Variants in REV1 observed in about 807,000 individuals in gnomAD.
REV1 encodes REV1 DNA directed polymerase.
REV1 carries 42 observed loss-of-function variants against 137.4 expected under a neutral mutation model. The observed-to-expected ratio is 0.31, with a 90% confidence interval of 0.24 to 0.40. The LOEUF (loss-of-function observed/expected upper bound fraction) is 0.40, where lower values mean the gene tolerates loss of function less well. Ranked by LOEUF, REV1 falls within the 10% of genes least tolerant of loss-of-function variation. REV1 has a pLI of 1.00. For synonymous variants in REV1, 524 were observed against 519.2 expected, an observed-to-expected ratio of 1.01 and a Z score of -0.12; for missense variants, 1,282 against 1,490.1, an observed-to-expected ratio of 0.86 and a Z score of 2.30.
intron 1 of REV1, among the ~76,000 whole-genome samples, chr2:99,482,048 A>G (rs983768571): frequency 6.6e-5 from 10 of 152,184 alleles, no homozygotes; most frequent in African/African-American, 2.2e-4. Context: ...GGGCCTGGCC[A>G]TGCTGGAAAT....
At chr2:99,427,753 C>T (rs976024833) in intron 9 of REV1, among the ~76,000 whole-genome samples, 7 of 151,964 alleles carry the variant, frequency 4.6e-5, no homozygotes, top group African/African-American at 1.7e-4. Context: ...AATTAAGGGA[C>T]AAAAATCTTA....
At chr2:99,449,927 G>C (rs1028161472) in intron 3 of REV1, among the ~76,000 whole-genome samples, 1 of 152,134 alleles carries the variant, frequency 6.6e-6, no homozygotes, top group Non-Finnish European at 1.5e-5. Context: ...GAGTATACAA[G>C]AGGAGTCAGA....
chr2:99,464,252 A>G (rs1369899588), intron 2 of REV1, among the ~76,000 whole-genome samples: 10 of 152,186 alleles, frequency 6.6e-5, no homozygotes, highest in Admixed American at 6.6e-4. Context: ...AGGTCTTTAA[A>G]TTAAAGGTGT....
At position 99,414,383 on chromosome 2, in the gene REV1, C is replaced by T. The variant is rs115313648; in HGVS notation, c.1952-1432G>A. ...GATGAAGGCGTTAAGCGTGCTCGTT[C>T]ACAATTGTGCCATTTTAAAGTCCAA... On this transcript the variant is annotated intron_variant, in intron 12 of 22. Coordinates refer to ENST00000258428, the MANE Select transcript of REV1 (RefSeq NM_016316.4). Among the ~76,000 whole-genome samples the T allele has an allele frequency of 4.1e-3, 625 of 151,960 alleles. 3 individuals carry two copies. Among genetic ancestry groups the T allele is most frequent in the Non-Finnish European group, 6.9e-3 (471 of 67,986 alleles).
chr2:99,417,604 G>A (rs954672980), intron 12 of REV1, among the ~76,000 whole-genome samples: 7 of 152,154 alleles, frequency 4.6e-5, no homozygotes, highest in African/African-American at 1.7e-4. Flanking sequence ...AGGGAGAGGA[G>A]GGTCACCTAC....
At chr2:99,441,718 T>C (rs1370630727) in intron 5 of REV1, among the ~76,000 whole-genome samples, 1 of 152,186 alleles carries the variant, frequency 6.6e-6, no homozygotes, top group African/African-American at 2.4e-5. Flanking sequence ...AGGAAATAAT[T>C]ACTTTCATAA....
At chr2:99,462,013 A>C (rs896248) in intron 3 of REV1, among the ~76,000 whole-genome samples, 5 of 151,976 alleles carry the variant, frequency 3.3e-5, no homozygotes, top group Non-Finnish European at 7.4e-5. Flanking sequence ...TTTACTTCCT[A>C]AACTGTGAGA....
chr2:99,484,941 C>T (rs889540969), intron 1 of REV1, among the ~76,000 whole-genome samples: 8 of 152,124 alleles, frequency 5.3e-5, no homozygotes, highest in South Asian at 4.1e-4. Flanking sequence ...CAACCTTATA[C>T]GGTAGCTGTA....
Position 99,420,616 on chromosome 2 carries a change from G to A in REV1, c.1831+883C>T, listed in dbSNP as rs543322130. 3.3e-5 allele frequency among the ~76,000 whole-genome samples: 5 copies of A among 152,252 alleles called. No individual in the cohort carries two copies. The South Asian group carries it at 6.2e-4, about 19-fold the overall frequency. ...TGTAGCACGGTGTGCCCCTCCTCTC[G>A]GGAAATGGAAGTAACAAATTCTTCT... On this transcript the variant is annotated intron_variant, in intron 11 of 22. Transcript: ENST00000258428.
At position 99,489,954 on chromosome 2, in the gene REV1, G is replaced by A. The variant is rs1687536803; in HGVS notation, c.-148C>T. 1 of 149,988 alleles carries A rather than the reference G, an allele frequency of 6.7e-6. No individual in the cohort carries two copies. The allele number at this position is 149,988 out of a possible 1,614,324, so 9.3% of individuals were successfully genotyped here. On this transcript the variant is annotated 5_prime_UTR_variant, in exon 1 of 23. Coordinates refer to ENST00000258428, the MANE Select transcript of REV1 (RefSeq NM_016316.4). ...GGGAAGGCAGCCCCACCGCTGAGCA[G>A]CGCCGCGGTCCACGCTCCCCCACGC... is the stretch of plus-strand genomic sequence containing the variant.
At chr2:99,435,501 C>CA (rs1680630252) in intron 7 of REV1, 1 of 162,296 alleles carries the variant, frequency 6.2e-6, no homozygotes, top group African/African-American at 2.4e-5. Context: ...ACCCAAGTCT[C>CA]AAAGACAAGA....
At chr2:99,423,852 T>G (rs532351205) in intron 10 of REV1, among the ~76,000 whole-genome samples, 2 of 152,332 alleles carry the variant, frequency 1.3e-5, no homozygotes, top group Admixed American at 1.3e-4. Context: ...TTCATCTATC[T>G]GGCTCCATGG....
chr2:99,425,962 G>T (rs1371318284), intron 9 of REV1, among the ~76,000 whole-genome samples: 1 of 152,072 alleles, frequency 6.6e-6, no homozygotes, highest in Non-Finnish European at 1.5e-5. Flanking sequence ...CTTGAACCTG[G>T]AGGGTGGAGG....
chr2:99,431,739 A>AAG, intron 8 of REV1: 1 of 985,432 alleles, frequency 1.0e-6, no homozygotes, highest in Non-Finnish European at 1.2e-6. Flanking sequence ...GGGCTGGCTG[A>AAG]CCTGTTCCAC....
intron 4 of REV1, among the ~76,000 whole-genome samples, chr2:99,447,962 C>T (rs10188633): frequency 1.4e-4 from 22 of 152,138 alleles, no homozygotes; most frequent in African/African-American, 4.8e-4. Flanking sequence ...TCCCAAAGTG[C>T]TGGGATTACA....
intron 3 of REV1, among the ~76,000 whole-genome samples, chr2:99,459,019 T>C (rs1311541314): frequency 2.6e-5 from 4 of 151,984 alleles, no homozygotes; most frequent in African/African-American, 9.7e-5. Context: ...CCATACTGGC[T>C]AACACGGTGA....
At chr2:99,472,672 C>T (rs1197276919) in intron 1 of REV1, among the ~76,000 whole-genome samples, 1 of 152,240 alleles carries the variant, frequency 6.6e-6, no homozygotes, top group South Asian at 2.1e-4. Flanking sequence ...ATCTGTACAG[C>T]AGTACCTGGG....
chr2:99,429,978 T>C (rs373645542), intron 8 of REV1, 30 bp from the exon 9 acceptor site: 30 of 1,366,246 alleles, frequency 2.2e-5, no homozygotes, highest in Non-Finnish European at 2.8e-5. Flanking sequence ...TTAATGGTTA[T>C]ATGTTATAAA....
rs1446091835 is a variant in REV1 at position 99,402,579 on chromosome 2, T to C, written c.3541+65A>G. 5 of 1,475,190 alleles carry C rather than the reference T, an allele frequency of 3.4e-6. No individual in the cohort carries two copies. In the East Asian group the frequency reaches 9.1e-5, roughly 27 times the overall value. The allele number at this position is 1,475,190 out of a possible 1,614,324, so 91.4% of individuals were successfully genotyped here. ...TTAAATCTGCATAGTTTAGTCTGTTTATGTTCTCAAATCATGAGACGACTA... is the reference window on the plus strand; with the variant it reads ...TTAAATCTGCATAGTTTAGTCTGTTCATGTTCTCAAATCATGAGACGACTA... On this transcript the variant is annotated intron_variant, in intron 21 of 22. Coordinates refer to ENST00000258428, the MANE Select transcript of REV1 (RefSeq NM_016316.4).
Sources: gnomAD v4.1 joint callset for allele counts (sites outside exome capture counted in the v4.1 genomes callset) on GRCh38, gnomAD v4.1.1 for gene constraint, MANE v1.5 for transcripts, NCBI Gene and HGNC (gene_info 2026-07-23, HGNC 2026-07-21) for gene names.